Variants in ARHGEF9 observed in about 807,000 individuals in gnomAD.
ARHGEF9 encodes the protein rho guanine nucleotide exchange factor 9.
In ARHGEF9, 2 loss-of-function variants were observed where a neutral mutation model predicts 41.3. The ratio of observed to expected loss-of-function variants is 0.05; its 90% CI spans 0.02 to 0.15. The LOEUF (loss-of-function observed/expected upper bound fraction) is 0.15, where lower values mean the gene tolerates loss of function less well. Ranked by LOEUF, ARHGEF9 falls within the 10% of genes least tolerant of loss-of-function variation. The pLI, the probability that ARHGEF9 is intolerant of heterozygous loss-of-function variation, is 1.00. For synonymous variants in ARHGEF9, 160 were observed against 154.4 expected (o/e 1.04, Z -0.27); for missense variants, 225 against 424.7 (o/e 0.53, Z 4.13).
intron 2 of ARHGEF9, among the ~76,000 whole-genome samples, chrX:63,713,892 G>A (rs1348664284): frequency 2.7e-5 from 3 of 111,011 alleles, no homozygotes; most frequent in Non-Finnish European, 5.7e-5. Context: ...TACCCCTCAA[G>A]GGAAGATTTA....
At chrX:63,726,252 C>T (rs1242714097) in intron 1 of ARHGEF9, among the ~76,000 whole-genome samples, 2 of 112,567 alleles carry the variant, frequency 1.8e-5, no homozygotes, top group Non-Finnish European at 3.8e-5. Flanking sequence ...TCATGCTTTA[C>T]GCTTTGCTAA....
chrX:63,723,415 C>G (rs2053757527), intron 2 of ARHGEF9, among the ~76,000 whole-genome samples: 1 of 111,410 alleles, frequency 9.0e-6, no homozygotes, highest in Non-Finnish European at 1.9e-5. Context: ...GCCCTTCAAC[C>G]TCTAGGAGCC....
At chrX:63,726,172 G>A (rs2147633952) in intron 1 of ARHGEF9, among the ~76,000 whole-genome samples, 1 of 111,294 alleles carries the variant, frequency 9.0e-6, no homozygotes, top group African/African-American at 3.3e-5. Flanking sequence ...AAGGCATAGG[G>A]TGAGCTCTTC....
In ARHGEF9 at chrX:63,638,130, G is replaced by A. The variant is rs782206916; in HGVS notation, c.1470C>T (p.Pro490=). ...AGACCTGCGACTGAGCGATGCCGTC[G>A]GGGACCAGGTACTGGCCGTGGTTTA... ...DPLNHGQYLV[P]DGIAQSQVFE... The change falls in exon 10 of 10, where the codon CCC becomes CCT. Residue 490 remains proline (P), a synonymous_variant. Transcript: ENST00000671741. 11 of 1,206,724 alleles carry A rather than the reference G, an allele frequency of 9.1e-6. No individual in the cohort carries two copies. The East Asian group carries it at 2.4e-4, about 26-fold the overall frequency.
At chrX:63,745,895 T>C (rs1193092268) in intron 1 of ARHGEF9, among the ~76,000 whole-genome samples, 1 of 112,225 alleles carries the variant, frequency 8.9e-6, no homozygotes, top group East Asian at 2.8e-4. Flanking sequence ...CCTGGAACTT[T>C]AGACTCTGTC....
chrX:63,728,429 C>T (rs1394196689), intron 1 of ARHGEF9, among the ~76,000 whole-genome samples: 12 of 111,852 alleles, frequency 1.1e-4, no homozygotes, highest in South Asian at 3.7e-4. Flanking sequence ...TCCAGCAGGA[C>T]GCAAAGGTGG....
At chrX:63,766,504 A>C (rs2056115804) in intron 1 of ARHGEF9, among the ~76,000 whole-genome samples, 1 of 111,753 alleles carries the variant, frequency 8.9e-6, no homozygotes, top group Non-Finnish European at 1.9e-5. Flanking sequence ...TGATGGCTAC[A>C]GGTTGCCTGA....
At chrX:63,693,851 C>T (rs1417646928) in intron 4 of ARHGEF9, among the ~76,000 whole-genome samples, 1 of 109,460 alleles carries the variant, frequency 9.1e-6, no homozygotes, top group Non-Finnish European at 1.9e-5. Context: ...TACCACTACA[C>T]ACCTACATGT....
chrX:63,735,916 T>C (rs2054591474), intron 1 of ARHGEF9, among the ~76,000 whole-genome samples: 1 of 112,096 alleles, frequency 8.9e-6, no homozygotes, highest in African/African-American at 3.2e-5. Context: ...ATTGGCTCAC[T>C]GTGAGAGAAA....
intron 1 of ARHGEF9, among the ~76,000 whole-genome samples, chrX:63,750,767 G>C (rs2055575571): frequency 9.0e-6 from 1 of 111,728 alleles, no homozygotes; most frequent in South Asian, 3.8e-4. Context: ...TAAGGAGATG[G>C]GACTGACTAG....
intron 1 of ARHGEF9, among the ~76,000 whole-genome samples, chrX:63,757,012 C>T (rs1434885860): frequency 1.8e-5 from 2 of 112,254 alleles, no homozygotes; most frequent in Non-Finnish European, 3.8e-5. Flanking sequence ...TTTGACTCCA[C>T]TGATGCCTTC....
intron 1 of ARHGEF9, among the ~76,000 whole-genome samples, chrX:63,757,969 G>A (rs1280409191): frequency 8.9e-6 from 1 of 112,228 alleles, no homozygotes; most frequent in African/African-American, 3.2e-5. Flanking sequence ...CACATGCACA[G>A]TATTTAGAAG....
chrX:63,717,217 T>A (rs1434367381), intron 2 of ARHGEF9, among the ~76,000 whole-genome samples: 4 of 112,694 alleles, frequency 3.5e-5, no homozygotes, highest in African/African-American at 1.3e-4. Flanking sequence ...CACCATTTAT[T>A]TGTTCCTAAA....
chrX:63,654,494 G>C (rs1450502079), intron 8 of ARHGEF9, among the ~76,000 whole-genome samples: 1 of 111,811 alleles, frequency 8.9e-6, no homozygotes. Context: ...ATTCCAATGA[G>C]ACTCAAAGTG....
At chrX:63,692,893 C>A (rs782004301) in intron 4 of ARHGEF9, among the ~76,000 whole-genome samples, 1 of 111,928 alleles carries the variant, frequency 8.9e-6, no homozygotes, top group Non-Finnish European at 1.9e-5. Flanking sequence ...AAAGAAAATC[C>A]TGTCATTTGC....
intron 1 of ARHGEF9, among the ~76,000 whole-genome samples, chrX:63,748,821 TATTAGAC>T (rs782617897): frequency 8.9e-6 from 1 of 112,302 alleles, no homozygotes; most frequent in Non-Finnish European, 1.9e-5. Flanking sequence ...AAGGCTGCAT[TATTAGAC>T]ATTTCACAGA....
In ARHGEF9 at chrX:63,638,216, T is replaced by G; in HGVS notation, c.1391-7A>C. ...GAGCGGGCAGAGTTGACACCTAGAG[T>G]AGATGAGAGATCAAAGGGAAAGGGT... is the stretch of plus-strand genomic sequence containing the variant. On this transcript the variant is annotated splice_polypyrimidine_tract_variant and splice_region_variant and intron_variant, in intron 9 of 9. Coordinates refer to ENST00000671741, the MANE Select transcript of ARHGEF9 (RefSeq NM_001353921.2). 1 of 1,172,315 alleles carries G rather than the reference T, an allele frequency of 8.5e-7. No homozygotes were observed. Among genetic ancestry groups the G allele is most frequent in the Non-Finnish European group, 1.1e-6 (1 of 874,297 alleles).
Position 63,706,462 on chromosome X carries a change from G to T in ARHGEF9, c.211-13C>A, listed in dbSNP as rs782275004. 1 of 1,196,462 alleles carries T rather than the reference G, an allele frequency of 8.4e-7. No homozygotes were observed. The highest frequency in any genetic ancestry group is 1.8e-5 in the African/African-American group (1 of 56,599). ...GGTTCACCCAGAGCTGTGGAAGCAG[G>T]CAAAAGAAAAATAATGAGTTAGCTT... is the stretch of plus-strand genomic sequence containing the variant. On this transcript the variant is annotated splice_polypyrimidine_tract_variant and intron_variant, in intron 2 of 9. Transcript: ENST00000671741.
chrX:63,669,078 A>G (rs1263046224), intron 6 of ARHGEF9, among the ~76,000 whole-genome samples: 1 of 112,233 alleles, frequency 8.9e-6, no homozygotes, highest in East Asian at 2.8e-4. Context: ...GTAGAGGGGG[A>G]ATATTAAAAC....
Sources: gnomAD v4.1 joint callset for allele counts (sites outside exome capture counted in the v4.1 genomes callset) on GRCh38, gnomAD v4.1.1 for gene constraint, MANE v1.5 for transcripts, NCBI Gene and HGNC (gene_info 2026-07-23, HGNC 2026-07-21) for gene names.